EIF3D: variants seen among roughly 807,000 people sequenced by gnomAD.
The protein encoded by EIF3D is eukaryotic translation initiation factor 3 subunit D.
Under a neutral mutation model 75.4 loss-of-function variants are expected in EIF3D, and 10 were observed. The ratio of observed to expected loss-of-function variants is 0.13; its 90% confidence interval spans 0.08 to 0.22. The LOEUF (loss-of-function observed/expected upper bound fraction) is 0.22. Ranked by LOEUF, EIF3D falls within the 10% of genes least tolerant of loss-of-function variation. The pLI is 1.00. For missense variants in EIF3D, 394 were observed against 708.0 expected, an observed-to-expected ratio of 0.56 and a Z score of 5.03; for synonymous variants, 246 against 248.3, an observed-to-expected ratio of 0.99 and a Z score of 0.09.
intron 6 of EIF3D, among the ~76,000 whole-genome samples, chr22:36,521,921 G>C (rs1934520656): frequency 6.6e-6 from 1 of 152,096 alleles, no homozygotes; most frequent in South Asian, 2.1e-4. Context: ...TTGGGTGACA[G>C]AGTGAGATTC....
chr22:36,524,462 G>T, intron 4 of EIF3D, 134 bp downstream of exon 4: 1 of 1,278,090 alleles, frequency 7.8e-7, no homozygotes, highest in Non-Finnish European at 1.1e-6. Context: ...GTTATGGAAC[G>T]GTGACCCGAG....
intron 12 of EIF3D, among the ~76,000 whole-genome samples, chr22:36,513,127 A>G (rs2145868807): frequency 6.6e-6 from 1 of 152,264 alleles, no homozygotes; most frequent in African/African-American, 2.4e-5. Context: ...AAATGCACAC[A>G]CAGTAGAAAA....
chr22:36,516,647 T>C (rs1934431674), intron 11 of EIF3D, 40 bp from the exon 12 acceptor site: 3 of 1,614,044 alleles, frequency 1.9e-6, no homozygotes, highest in African/African-American at 2.7e-5. Context: ...CTGGGGATTC[T>C]ATAGAGTGGG....
intron 12 of EIF3D, among the ~76,000 whole-genome samples, chr22:36,513,265 C>G (rs1274944719): frequency 6.6e-6 from 1 of 151,998 alleles, no homozygotes; most frequent in East Asian, 1.9e-4. Context: ...ATGGCAAACA[C>G]AGGGCAAAAG....
Position 36,529,089 on chromosome 22 carries a change from G to C in EIF3D, c.-24C>G, listed in dbSNP as rs886590775. ...CACGCCGCTCACCTGCAATGGCCTC[G>C]GCCGGCCGGGATGGCAACAGATGGT... On this transcript the variant is annotated 5_prime_UTR_variant, in exon 1 of 15. Coordinates refer to ENST00000216190, the MANE Select transcript of EIF3D (RefSeq NM_003753.4). 1.5e-5 allele frequency: 6 copies of C among 392,636 alleles called. No homozygotes were observed. Among genetic ancestry groups the C allele is most frequent in the Non-Finnish European group, 2.7e-5 (6 of 222,634 alleles). The allele number at this position is 392,636 out of a possible 1,614,324, so 24.3% of individuals were successfully genotyped here.
rs764465006 is a variant in EIF3D at position 36,517,342 on chromosome 22, T to C, written c.949A>G (p.Thr317Ala). The change falls in exon 10 of 15, where the codon ACC (threonine) becomes GCC (alanine). Residue 317 changes from threonine (T) to alanine (A), a missense_variant. Transcript: ENST00000216190. Reference protein sequence around the residue: ...NSPRNLAMEATYINHNFSQQC... With the variant: ...NSPRNLAMEAAYINHNFSQQC... ...TGGGAGAAATTGTGGTTGATGTAGG[T>C]TGCCTCCATGGCCAGGTTGCGGGGT... The C allele has an allele frequency of 6.2e-7, 1 of 1,613,994 alleles. No individual in the cohort carries two copies. Among genetic ancestry groups the C allele is most frequent in the Admixed American group, 1.7e-5 (1 of 59,974 alleles).
rs370701102 is a variant in EIF3D at position 36,523,167 on chromosome 22, A to G, written c.465+42T>C. ...TATTAATAAAGACAACCAAATAAAC[A>G]GAACCAAATTCCAAGGCAGAATTCT... On this transcript the variant is annotated intron_variant, in intron 6 of 14. Coordinates refer to ENST00000216190, the MANE Select transcript of EIF3D (RefSeq NM_003753.4). The G allele has an allele frequency of 3.3e-6, 5 of 1,529,406 alleles. No homozygotes were observed. In the African/African-American group the frequency reaches 6.8e-5, roughly 21 times the overall value. The allele number at this position is 1,529,406 out of a possible 1,614,324, so 94.7% of individuals were successfully genotyped here.
Position 36,529,098 on chromosome 22 carries a change from G to C in EIF3D, c.-33C>G. The C allele has an allele frequency of 2.5e-6, 1 of 394,206 alleles. No homozygotes were observed. Among genetic ancestry groups the C allele is most frequent in the Non-Finnish European group, 4.5e-6 (1 of 223,584 alleles). 24.4% of individuals were successfully genotyped at this position (394,206 alleles called of 1,614,324 possible). On this transcript the variant is annotated 5_prime_UTR_variant, in exon 1 of 15. Coordinates refer to ENST00000216190, the MANE Select transcript of EIF3D (RefSeq NM_003753.4). The stretch of plus-strand genomic sequence containing the variant: ...CACCTGCAATGGCCTCGGCCGGCCG[G>C]GATGGCAACAGATGGTGCGTGCCGG...
chr22:36,516,245 A>G (rs1396525603), intron 12 of EIF3D: 2 of 451,234 alleles, frequency 4.4e-6, no homozygotes, highest in Admixed American at 7.8e-5. Flanking sequence ...TGCGTAAAAA[A>G]TAAGCAGAAA....
At chr22:36,528,197 G>A (rs1434892975) in intron 1 of EIF3D, among the ~76,000 whole-genome samples, 1 of 152,006 alleles carries the variant, frequency 6.6e-6, no homozygotes, top group Non-Finnish European at 1.5e-5. Flanking sequence ...TTCCAGGGTT[G>A]CCTGCTGTCA....
intron 12 of EIF3D, 76 bp from the exon 13 acceptor site, chr22:36,512,678 AG>A: frequency 6.5e-7 from 1 of 1,530,168 alleles, no homozygotes. Flanking sequence ...CTGGCAGAGA[AG>A]GAACTCCCTA....
chr22:36,521,381 G>A (rs1934509709), intron 6 of EIF3D, among the ~76,000 whole-genome samples: 2 of 152,056 alleles, frequency 1.3e-5, no homozygotes, highest in Non-Finnish European at 2.9e-5. Context: ...CATGTAGAAG[G>A]TCCTTTATAT....
chr22:36,523,194 G>A lies in EIF3D; in HGVS notation c.465+15C>T, dbSNP rs1237217927. Reference sequence around the variant, plus strand: ...AACCAAATTCCAAGGCAGAATTCTGGTATAAATACATTACCTGTGATTTCT... The same window carrying A: ...AACCAAATTCCAAGGCAGAATTCTGATATAAATACATTACCTGTGATTTCT... On this transcript the variant is annotated intron_variant, in intron 6 of 14. Transcript: ENST00000216190. 1 of 1,610,070 alleles carries A rather than the reference G, an allele frequency of 6.2e-7. No homozygotes were observed. Among genetic ancestry groups the A allele is most frequent in the Non-Finnish European group, 8.5e-7 (1 of 1,176,488 alleles).
chr22:36,512,270 A>G (rs566360857), intron 13 of EIF3D, among the ~76,000 whole-genome samples, 190 bp downstream of exon 13: 4 of 152,278 alleles, frequency 2.6e-5, no homozygotes, highest in East Asian at 1.9e-4. Flanking sequence ...CCATTGCCCT[A>G]GTTCAGGACT....
At chr22:36,527,306 G>C (rs1338247021) in intron 1 of EIF3D, among the ~76,000 whole-genome samples, 1 of 152,202 alleles carries the variant, frequency 6.6e-6, no homozygotes, top group Admixed American at 6.5e-5. Context: ...CCAAAGCACA[G>C]AGAAATGAAG....
chr22:36,512,340 C>A, intron 13 of EIF3D, 120 bp downstream of exon 13: 2 of 1,413,798 alleles, frequency 1.4e-6, no homozygotes, highest in South Asian at 1.3e-5. Flanking sequence ...ATCTCTACCC[C>A]ACCCCTGGAT....
intron 7 of EIF3D, among the ~76,000 whole-genome samples, chr22:36,520,064 A>G (rs1934488070): frequency 6.6e-6 from 1 of 152,214 alleles, no homozygotes; most frequent in Non-Finnish European, 1.5e-5. Context: ...CTTTCTGCCA[A>G]AAGAGTTGTA....
At chr22:36,511,301 A>C in intron 14 of EIF3D, 2 of 1,105,454 alleles carry the variant, frequency 1.8e-6, no homozygotes, top group Non-Finnish European at 2.5e-6. Context: ...CTTCTCTAAA[A>C]CACCGCTATC....
rs765384866 is a variant in EIF3D at position 36,517,492 on chromosome 22, C to T, written c.860-61G>A. On this transcript the variant is annotated intron_variant, in intron 9 of 14. Coordinates refer to ENST00000216190, the MANE Select transcript of EIF3D (RefSeq NM_003753.4). ...AAAGAGTCACTGACAATGTGCGCAG[C>T]GCTGTGGGGAGATGTGGAGAGGCAA... 257 of 1,526,336 alleles carry T rather than the reference C, an allele frequency of 1.7e-4. 1 individual carries two copies. Among genetic ancestry groups the T allele is most frequent in the Non-Finnish European group, 2.1e-4 (242 of 1,139,134 alleles). 94.5% of individuals were successfully genotyped at this position (1,526,336 alleles called of 1,614,324 possible).
Sources: gnomAD v4.1 joint callset for allele counts (sites outside exome capture counted in the v4.1 genomes callset) on GRCh38, gnomAD v4.1.1 for gene constraint, MANE v1.5 for transcripts, NCBI Gene and HGNC (gene_info 2026-07-23, HGNC 2026-07-21) for gene names.